Variants in GNPTAB observed in about 807,000 individuals in gnomAD.
The protein encoded by GNPTAB is N-acetylglucosamine-1-phosphate transferase subunits alpha and beta.
GNPTAB carries 92 observed loss-of-function variants against 136.6 expected under a neutral mutation model. The ratio of observed to expected loss-of-function variants is 0.67; its 90% confidence interval spans 0.57 to 0.80. The LOEUF (loss-of-function observed/expected upper bound fraction) is 0.80, where lower values mean the gene tolerates loss of function less well. Ranked by LOEUF, GNPTAB falls within the 30% of genes least tolerant of loss-of-function variation. The pLI, the probability that GNPTAB is intolerant of heterozygous loss-of-function variation, is 0.00. For missense variants in GNPTAB, 1,343 were observed against 1,501.8 expected (o/e 0.89, Z 1.75); for synonymous variants, 512 against 535.1 (o/e 0.96, Z 0.60).
rs1019005676 is a variant in GNPTAB at position 101,770,725 on chromosome 12, C to T, written c.934-140G>A. The T allele has an allele frequency of 6.6e-5, 48 of 728,250 alleles. 1 individual carries two copies. In the South Asian group the frequency reaches 6.8e-4, roughly 10 times the overall value. 45.1% of individuals were successfully genotyped at this position (728,250 alleles called of 1,614,324 possible). On this transcript the variant is annotated intron_variant, in intron 8 of 20. Transcript: ENST00000299314. ...GATGGAGTCCTAATTTTAAACATTACAAAAAATGCAAAAGATTCAGTATAT... is the reference window on the plus strand; with the variant it reads ...GATGGAGTCCTAATTTTAAACATTATAAAAAATGCAAAAGATTCAGTATAT...
chr12:101,827,400 C>A (rs1339802195), intron 1 of GNPTAB, among the ~76,000 whole-genome samples: 1 of 151,956 alleles, frequency 6.6e-6, no homozygotes, highest in Non-Finnish European at 1.5e-5. Flanking sequence ...CACGCCCAGC[C>A]TTTATTTTTA....
At chr12:101,788,239 G>A (rs188135615) in intron 4 of GNPTAB, among the ~76,000 whole-genome samples, 107 of 152,248 alleles carry the variant, frequency 7.0e-4, no homozygotes, top group African/African-American at 2.3e-3. Flanking sequence ...TGAAAATACT[G>A]GGTAGAAGAT....
chr12:101,828,566 T>C (rs1189336217), intron 1 of GNPTAB, among the ~76,000 whole-genome samples: 2 of 151,508 alleles, frequency 1.3e-5, no homozygotes, highest in African/African-American at 2.4e-5. Context: ...GGCTGAGACA[T>C]GAGAATCACG....
chr12:101,826,822 T>A (rs1463706423), intron 1 of GNPTAB, among the ~76,000 whole-genome samples: 1 of 152,204 alleles, frequency 6.6e-6, no homozygotes, highest in East Asian at 1.9e-4. Flanking sequence ...TTAAGAGCAG[T>A]CAATCTAGTA....
chr12:101,777,813 G>A (rs1338237227), intron 7 of GNPTAB, among the ~76,000 whole-genome samples: 2 of 152,188 alleles, frequency 1.3e-5, no homozygotes, highest in Non-Finnish European at 2.9e-5. Flanking sequence ...TGCTGACACT[G>A]CGTCTGTTCT....
rs758785862 is a variant in GNPTAB at position 101,780,299 on chromosome 12, G to A, written c.637-13C>T. The stretch of plus-strand genomic sequence containing the variant: ...CTTTATCTGTTGTCTAAAATAAGGG[G>A]AAAAACATAACTCATTTTCCACATC... On this transcript the variant is annotated splice_polypyrimidine_tract_variant and intron_variant, in intron 6 of 20. Coordinates refer to ENST00000299314, the MANE Select transcript of GNPTAB (RefSeq NM_024312.5). 1.2e-6 allele frequency: 2 copies of A among 1,613,640 alleles called. No homozygotes were observed. Among genetic ancestry groups the A allele is most frequent in the Admixed American group, 1.7e-5 (1 of 60,002 alleles).
intron 1 of GNPTAB, among the ~76,000 whole-genome samples, chr12:101,812,677 T>G (rs1870300261): frequency 6.6e-6 from 1 of 152,004 alleles, no homozygotes; most frequent in Non-Finnish European, 1.5e-5. Context: ...AGGAGGATCT[T>G]GAGACCAGGA....
At chr12:101,821,923 C>T (rs551784982) in intron 1 of GNPTAB, among the ~76,000 whole-genome samples, 1 of 152,296 alleles carries the variant, frequency 6.6e-6, no homozygotes, top group Non-Finnish European at 1.5e-5. Context: ...GAAGGTCACC[C>T]TGGGCCTACT....
At chr12:101,807,284 T>C (rs1464830349) in intron 1 of GNPTAB, among the ~76,000 whole-genome samples, 1 of 152,210 alleles carries the variant, frequency 6.6e-6, no homozygotes, top group Non-Finnish European at 1.5e-5. Flanking sequence ...CTTCCTCAGT[T>C]TGATAGAGCA....
chr12:101,760,314 C>CAAA, intron 15 of GNPTAB, among the ~76,000 whole-genome samples, 171 bp from the exon 16 acceptor site: 1 of 152,196 alleles, frequency 6.6e-6, no homozygotes, highest in African/African-American at 2.4e-5. Flanking sequence ...CAGAATGAGA[C>CAAA]AATGCCAACA....
chr12:101,758,192 C>T (rs1952931726), intron 16 of GNPTAB, among the ~76,000 whole-genome samples: 1 of 152,160 alleles, frequency 6.6e-6, no homozygotes, highest in East Asian at 1.9e-4. Context: ...GAACCCGCCA[C>T]CACACCCAAC....
At chr12:101,772,957 C>CA (rs1203222505) in intron 7 of GNPTAB, among the ~76,000 whole-genome samples, 1 of 152,146 alleles carries the variant, frequency 6.6e-6, no homozygotes, top group East Asian at 1.9e-4. Context: ...GCTGGGATTA[C>CA]AGGCAAGCAC....
In GNPTAB at chr12:101,785,532, T is replaced by C. The variant is rs543214931; in HGVS notation, c.571+480A>G. ...TATGCCCAGCCTGGGATCTCTTTTA[T>C]AAGGGTACTAATCCCATCAAAGGCT... is the stretch of plus-strand genomic sequence containing the variant. On this transcript the variant is annotated intron_variant, in intron 5 of 20. Coordinates refer to ENST00000299314, the MANE Select transcript of GNPTAB (RefSeq NM_024312.5). 3.2e-5 allele frequency: 5 copies of C among 158,542 alleles called. 1 individual carries two copies. In the East Asian group the frequency reaches 5.6e-4, roughly 18 times the overall value. 9.8% of individuals were successfully genotyped at this position (158,542 alleles called of 1,614,324 possible).
At position 101,764,466 on chromosome 12, in the gene GNPTAB, T is replaced by A. The variant is rs754852059; in HGVS notation, c.2451A>T (p.Arg817Ser). The change falls in exon 13 of 21, where the codon AGA becomes AGT. Residue 817 changes from arginine to serine, a missense_variant. Arg to Ser is a moderately radical substitution (Grantham distance 110). Coordinates refer to ENST00000299314, the MANE Select transcript of GNPTAB (RefSeq NM_024312.5). The part of the protein sequence containing the change: ...PLDLETTARF[R>S]VETHTQKTIG... ...TGGTTTTTTGGGTGTGAGTTTCCAC[T>A]CTAAATCTTGCTGTGGTCTCCAAGT... 7 of 1,613,704 alleles carry A rather than the reference T, an allele frequency of 4.3e-6. No individual in the cohort carries two copies. In the Admixed American group the frequency reaches 6.7e-5, roughly 15 times the overall value.
At chr12:101,822,264 T>C (rs1870845325) in intron 1 of GNPTAB, among the ~76,000 whole-genome samples, 1 of 151,996 alleles carries the variant, frequency 6.6e-6, no homozygotes, top group Admixed American at 6.5e-5. Flanking sequence ...ATACAAAAAA[T>C]TAGCCGGGTG....
At chr12:101,818,539 G>A (rs145824955) in intron 1 of GNPTAB, among the ~76,000 whole-genome samples, 130 of 151,990 alleles carry the variant, frequency 8.6e-4, no homozygotes, top group Non-Finnish European at 1.2e-3. Flanking sequence ...CACCACACCC[G>A]ACTAATTTTT....
At chr12:101,780,704 T>C in intron 5 of GNPTAB, 83 bp from the exon 6 acceptor site, 1 of 939,698 alleles carries the variant, frequency 1.1e-6, no homozygotes, top group South Asian at 1.3e-5. Flanking sequence ...GAAAACATTC[T>C]GAGAGCTATT....
intron 17 of GNPTAB, 52 bp downstream of exon 17, chr12:101,757,520 C>T (rs1952919745): frequency 1.1e-6 from 1 of 947,728 alleles, no homozygotes; most frequent in Non-Finnish European, 1.7e-6. Flanking sequence ...AAAAGCCAGA[C>T]CTTTGTGATT....
chr12:101,826,863 T>C (rs142196752), intron 1 of GNPTAB, among the ~76,000 whole-genome samples: 4 of 151,640 alleles, frequency 2.6e-5, no homozygotes, highest in African/African-American at 4.8e-5. Context: ...TAATTTACAA[T>C]AGACTGATTA....
Sources: allele counts gnomAD v4.1 joint callset (sites outside exome capture counted in the v4.1 genomes callset), GRCh38; gene constraint gnomAD v4.1.1; transcripts MANE v1.5; gene names NCBI Gene and HGNC (gene_info 2026-07-23, HGNC 2026-07-21).